PRDM2: variants seen among roughly 807,000 people sequenced by gnomAD.
PRDM2 encodes the protein PR domain zinc finger protein 2.
Under a neutral mutation model 130.0 loss-of-function variants are expected in PRDM2, and 30 were observed. The observed-to-expected ratio is 0.23, with a 90% confidence interval of 0.17 to 0.31. The LOEUF (loss-of-function observed/expected upper bound fraction) is 0.31, where lower values mean the gene tolerates loss of function less well. Among genes scored for constraint, PRDM2 ranks in the 10% least tolerant of loss-of-function variants. The pLI is 1.00. For synonymous variants in PRDM2, 871 were observed against 782.4 expected (o/e 1.11, Z -1.89); for missense variants, 2,011 against 2,108.4 (o/e 0.95, Z 0.90).
At chr1:13,712,615 G>A (rs915710848) in intron 1 of PRDM2, among the ~76,000 whole-genome samples, 2 of 152,052 alleles carry the variant, frequency 1.3e-5, no homozygotes, top group African/African-American at 4.8e-5. Context: ...ATATTGGCTG[G>A]CCTTGGTGGC....
At position 13,715,548 on chromosome 1, in the gene PRDM2, G is replaced by A; in HGVS notation, c.-58G>A. 2.0e-6 allele frequency: 3 copies of A among 1,470,710 alleles called. No individual in the cohort carries two copies. The highest frequency in any genetic ancestry group is 1.3e-5 in the South Asian group (1 of 75,744). 91.1% of individuals were successfully genotyped at this position (1,470,710 alleles called of 1,614,324 possible). On this transcript the variant is annotated 5_prime_UTR_variant, in exon 2 of 10. The change abolishes an upstream ATG in the 5' untranslated region. Coordinates refer to ENST00000311066, the MANE Select transcript of PRDM2 (RefSeq NM_001393986.1). The stretch of plus-strand genomic sequence containing the variant: ...GTCTGTTTTTCTTTTTAGGGTTCAT[G>A]TAATCAAAGAAGTTTCTTTGTTGTG...
In PRDM2 at chr1:13,789,528, G is replaced by C. The variant is rs980087595; in HGVS notation, c.5036+6697G>C. Among the ~76,000 whole-genome samples the C allele has an allele frequency of 6.3e-4, 96 of 152,114 alleles. 1 individual carries two copies. Among genetic ancestry groups the C allele is most frequent in the Non-Finnish European group, 1.0e-4 (7 of 68,018 alleles). On this transcript the variant is annotated intron_variant, in intron 8 of 9. Transcript: ENST00000311066. Reference sequence around the variant, plus strand: ...CTCCTCGCTGTCACAGTTCCCCAGAGGCTAGGTGGACAAGGAGATGCTTCT... The same window carrying C: ...CTCCTCGCTGTCACAGTTCCCCAGACGCTAGGTGGACAAGGAGATGCTTCT...
At chr1:13,786,215 G>A (rs755019237) in intron 8 of PRDM2, among the ~76,000 whole-genome samples, 2 of 152,036 alleles carry the variant, frequency 1.3e-5, no homozygotes, top group African/African-American at 4.8e-5. Context: ...CAAGAAAAAG[G>A]TAGAGAAGCA....
chr1:13,748,686 G>A (rs915088989), intron 5 of PRDM2, among the ~76,000 whole-genome samples: 14 of 152,178 alleles, frequency 9.2e-5, no homozygotes, highest in Admixed American at 6.5e-5. Flanking sequence ...AGTCATACGT[G>A]GCTTAAGAAT....
intron 8 of PRDM2, among the ~76,000 whole-genome samples, chr1:13,791,394 G>A (rs1047416744): frequency 2.0e-5 from 3 of 152,212 alleles, no homozygotes; most frequent in African/African-American, 4.8e-5. Context: ...GTTCATCAAC[G>A]GCAACGTGAC....
At position 13,782,898 on chromosome 1, in the gene PRDM2, T is replaced by G. The variant is rs552353799; in HGVS notation, c.5036+67T>G. 12 of 1,591,768 alleles carry G rather than the reference T, an allele frequency of 7.5e-6. No homozygotes were observed. In the Admixed American group the frequency reaches 1.2e-4, roughly 16 times the overall value. On this transcript the variant is annotated intron_variant, in intron 8 of 9. Coordinates refer to ENST00000311066, the MANE Select transcript of PRDM2 (RefSeq NM_001393986.1). ...ACAGTATCCTTGCCTACGGGTGTTT[T>G]TTGGTTTCTTGTTGCTTTTTTTTTT... is the stretch of plus-strand genomic sequence containing the variant.
intron 1 of PRDM2, among the ~76,000 whole-genome samples, chr1:13,712,226 GA>G (rs1446808342): frequency 6.6e-6 from 1 of 151,882 alleles, no homozygotes; most frequent in Non-Finnish European, 1.5e-5. Flanking sequence ...ACCATCTCCA[GA>G]AAAAAAGAAG....
At chr1:13,731,729 T>C (rs1209052329) in intron 3 of PRDM2, among the ~76,000 whole-genome samples, 1 of 152,230 alleles carries the variant, frequency 6.6e-6, no homozygotes, top group African/African-American at 2.4e-5. Context: ...GGAAGTAAAT[T>C]GTAAAACTTT....
chr1:13,757,199 G>A (rs536085972), intron 6 of PRDM2, among the ~76,000 whole-genome samples: 32 of 152,278 alleles, frequency 2.1e-4, no homozygotes, highest in Admixed American at 7.2e-4. Flanking sequence ...GATTGCATAG[G>A]TATATTGTAT....
chr1:13,790,177 G>A (rs907337732), intron 8 of PRDM2, among the ~76,000 whole-genome samples: 1 of 152,170 alleles, frequency 6.6e-6, no homozygotes, highest in Admixed American at 6.5e-5. Flanking sequence ...AAAGACCCCA[G>A]GTAAATTCAG....
At chr1:13,795,014 C>G (rs181906922) in intron 8 of PRDM2, among the ~76,000 whole-genome samples, 1 of 152,180 alleles carries the variant, frequency 6.6e-6, no homozygotes. Context: ...GAGAAGTGAG[C>G]TGTAAGACAA....
chr1:13,781,504 C>T lies in PRDM2; in HGVS notation c.3709C>T (p.Pro1237Ser). The T allele has an allele frequency of 1.2e-6, 2 of 1,612,670 alleles. No homozygotes were observed. The highest frequency in any genetic ancestry group is 1.7e-6 in the Non-Finnish European group (2 of 1,179,738). The change falls in exon 8 of 10, where the codon CCC becomes TCC. Residue 1237 changes from proline to serine, a missense_variant. By Grantham distance (74) the Pro-to-Ser change is moderately conservative. Transcript: ENST00000311066. This position sits in a 1 kb window ranked among gnomAD's most constrained non-coding sequence, Gnocchi z 6.1. Reference sequence around the variant, plus strand: ...TCTGAGGCCCCAGAACTTTACAGATCCCAGCAAGGCCCATGTAGAGCATAT... The same window carrying T: ...TCTGAGGCCCCAGAACTTTACAGATTCCAGCAAGGCCCATGTAGAGCATAT... ...GTLRPQNFTD[P>S]SKAHVEHMQS...
intron 8 of PRDM2, among the ~76,000 whole-genome samples, chr1:13,791,299 TC>T (rs1644834940): frequency 6.6e-6 from 1 of 152,156 alleles, no homozygotes; most frequent in African/African-American, 2.4e-5. Context: ...GCTTTTAGTT[TC>T]CCTCTCACTG....
chr1:13,712,774 A>C (rs12026871), intron 1 of PRDM2, among the ~76,000 whole-genome samples: 9,006 of 151,852 alleles, frequency 0.059, 558 homozygotes, highest in African/African-American at 0.16. Context: ...AACAAACAAA[A>C]AAAAGAAATA....
rs1642049157 is a variant in PRDM2 at position 13,700,774 on chromosome 1, T to G, written c.-66+474T>G. ...ATTTGCACTCCAAATTTGTTTTGTGTCTTGCGTCTTTGTGTTTCCCAAATA... is the reference window on the plus strand; with the variant it reads ...ATTTGCACTCCAAATTTGTTTTGTGGCTTGCGTCTTTGTGTTTCCCAAATA... On this transcript the variant is annotated intron_variant, in intron 1 of 9. Transcript: ENST00000311066. Among the ~76,000 whole-genome samples the G allele has an allele frequency of 2.6e-5, 4 of 152,294 alleles. No individual in the cohort carries two copies. The South Asian group carries it at 8.3e-4, about 32-fold the overall frequency.
In PRDM2 at chr1:13,780,998, C is replaced by G; in HGVS notation, c.3203C>G (p.Ser1068Cys). 6.2e-7 allele frequency: 1 copy of G among 1,600,930 alleles called. No homozygotes were observed. Among genetic ancestry groups the G allele is most frequent in the Non-Finnish European group, 8.6e-7 (1 of 1,168,162 alleles). ...SSSSSSFSSS[S>C]SSSSPSPPPL... ...TCCTCCTCTTCGTTTTCTTCTTCAT[C>G]TTCCTCCTCTTCTCCTTCTCCACCT... Residue 1068 changes from serine (S) to cysteine (C), a missense_variant, in exon 8 of 10, where the codon TCT becomes TGT. Ser to Cys is a moderately radical substitution (Grantham distance 112). Around this residue, in one of 5 missense-constraint regions of PRDM2, gnomAD observed 1,288 missense variants for 1,237.7 expected, o/e 1.04. Coordinates refer to ENST00000311066, the MANE Select transcript of PRDM2 (RefSeq NM_001393986.1).
Position 13,825,046 on chromosome 1 carries a change from C to A in PRDM2, c.*1911C>A. 6.5e-6 allele frequency: 1 copy of A among 152,708 alleles called. No individual in the cohort carries two copies. The allele number at this position is 152,708 out of a possible 1,614,324, so 9.5% of individuals were successfully genotyped here. On this transcript the variant is annotated 3_prime_UTR_variant, in exon 10 of 10. Coordinates refer to ENST00000311066, the MANE Select transcript of PRDM2 (RefSeq NM_001393986.1). The surrounding 1 kb of genome is among the most constrained non-coding windows in gnomAD (Gnocchi z 4.9). Reference sequence around the variant, plus strand: ...GTATCTGCCATGTGAAGAGAATTAACAATAAAAGTGTGAAGAGCGATTGTG... The same window carrying A: ...GTATCTGCCATGTGAAGAGAATTAAAAATAAAAGTGTGAAGAGCGATTGTG...
chr1:13,784,227 G>A (rs1644686905), intron 8 of PRDM2, among the ~76,000 whole-genome samples: 1 of 152,220 alleles, frequency 6.6e-6, no homozygotes, highest in Admixed American at 6.5e-5. Context: ...TGTGTTATCA[G>A]CTGTCAAAGC....
intron 6 of PRDM2, among the ~76,000 whole-genome samples, chr1:13,756,410 CA>C (rs1451975892): frequency 6.6e-6 from 1 of 152,162 alleles, no homozygotes; most frequent in African/African-American, 2.4e-5. Flanking sequence ...ACTTTGTTGG[CA>C]TTCAGATGGC....
Sources: allele counts gnomAD v4.1 joint callset (sites outside exome capture counted in the v4.1 genomes callset), GRCh38; gene constraint gnomAD v4.1.1; regional missense constraint gnomAD v4.1.1; non-coding constraint Gnocchi (gnomAD v3.1); transcripts MANE v1.5; gene names NCBI Gene and HGNC (gene_info 2026-07-23, HGNC 2026-07-21).